The following COL14A1 variants were observed in gnomAD, a reference collection of about 807,000 sequenced individuals.
The protein encoded by COL14A1 is collagen alpha-1(XIV) chain.
COL14A1 carries 136 observed loss-of-function variants against 230.3 expected under a neutral mutation model. The observed-to-expected ratio is 0.59, with a 90% CI of 0.51 to 0.68. The LOEUF (loss-of-function observed/expected upper bound fraction) is 0.68. Among genes scored for constraint, COL14A1 ranks in the 30% least tolerant of loss-of-function variants. COL14A1 has a pLI of 0.00. For missense variants in COL14A1, 1,976 were observed against 2,215.8 expected, an observed-to-expected ratio of 0.89 and a Z score of 2.17; for synonymous variants, 792 against 784.1, an observed-to-expected ratio of 1.01 and a Z score of -0.17.
chr8:120,266,131 A>T (rs951747158), intron 24 of COL14A1, among the ~76,000 whole-genome samples: 2 of 152,046 alleles, frequency 1.3e-5, no homozygotes, highest in African/African-American at 4.8e-5. Flanking sequence ...ATGTTTACCT[A>T]ATGACATCAA....
chr8:120,343,862 G>A (rs1822404160), intron 44 of COL14A1, among the ~76,000 whole-genome samples: 1 of 152,124 alleles, frequency 6.6e-6, no homozygotes, highest in African/African-American at 2.4e-5. Context: ...TAAATGAGCA[G>A]ATCATTATTT....
chr8:120,178,320 T>G (rs1193892812), intron 5 of COL14A1, among the ~76,000 whole-genome samples: 1 of 152,206 alleles, frequency 6.6e-6, no homozygotes, highest in Non-Finnish European at 1.5e-5. Flanking sequence ...AGTGAGAACA[T>G]GCAGTATGTG....
At chr8:120,128,104 T>C (rs920856307) in intron 1 of COL14A1, among the ~76,000 whole-genome samples, 2 of 152,200 alleles carry the variant, frequency 1.3e-5, no homozygotes, top group Non-Finnish European at 2.9e-5. Context: ...TCATTCTCCT[T>C]GACTTCTTCT....
intron 17 of COL14A1, among the ~76,000 whole-genome samples, chr8:120,228,118 T>C (rs545505048): frequency 1.1e-3 from 172 of 152,110 alleles, no homozygotes; most frequent in African/African-American, 3.9e-3. Context: ...TCGCTGGAGG[T>C]GAGCCATTCC....
At chr8:120,137,969 T>G in intron 1 of COL14A1, among the ~76,000 whole-genome samples, 1 of 152,170 alleles carries the variant, frequency 6.6e-6, no homozygotes. Context: ...TTTTCAATCT[T>G]TTGAAATTTA....
At position 120,225,177 on chromosome 8, in the gene COL14A1, A is replaced by C; in HGVS notation, c.1827A>C (p.Glu609Asp). The C allele has an allele frequency of 6.2e-7, 1 of 1,613,234 alleles. No homozygotes were observed. ...YTIAIFSIYDEGQSEPLTGVF... is the reference protein window; with the variant it reads ...YTIAIFSIYDDGQSEPLTGVF... ...TTGCTATTTTCTCCATCTATGATGA[A>C]GGACAGTCAGAGCCTCTGACTGGAG... The change falls in exon 15 of 48, where the codon GAA (glutamate) becomes GAC (aspartate). Residue 609 changes from glutamate (E) to aspartate (D), a missense_variant. Physicochemically the swap from Glu to Asp is conservative, Grantham distance 45 (BLOSUM62 2). This residue lies in a region of COL14A1 where 1,791 missense variants were observed against 2,019.5 expected (regional missense o/e 0.89). Coordinates refer to ENST00000297848, the MANE Select transcript of COL14A1 (RefSeq NM_021110.4).
chr8:120,279,057 A>T lies in COL14A1; in HGVS notation c.3481+479A>T, dbSNP rs568646773. 1.8e-4 allele frequency among the ~76,000 whole-genome samples: 28 copies of T among 151,432 alleles called. No homozygotes were observed. In the East Asian group the frequency reaches 4.5e-3, roughly 24 times the overall value. On this transcript the variant is annotated intron_variant, in intron 28 of 47. Transcript: ENST00000297848. ...CAGCAAACTAACACAGGAACAGAAA[A>T]CTAAACACCACATGTTCTCACTCAT...
At chr8:120,203,945 C>A (rs1439357794) in intron 9 of COL14A1, 75 bp downstream of exon 9, 7 of 1,458,510 alleles carry the variant, frequency 4.8e-6, no homozygotes, top group African/African-American at 2.8e-5. Context: ...TGGGAAAATT[C>A]TTTTCATTTT....
chr8:120,150,781 G>T (rs990021043), intron 2 of COL14A1, among the ~76,000 whole-genome samples: 1 of 152,158 alleles, frequency 6.6e-6, no homozygotes, highest in African/African-American at 2.4e-5. Flanking sequence ...CTGGTAGGCA[G>T]TTGGTGGTCT....
At chr8:120,345,620 A>T in intron 45 of COL14A1, 57 bp downstream of exon 45, 1 of 1,365,698 alleles carries the variant, frequency 7.3e-7, no homozygotes, top group Non-Finnish European at 9.6e-7. Flanking sequence ...AGGGAAGCAG[A>T]ACATTATAGT....
intron 1 of COL14A1, among the ~76,000 whole-genome samples, chr8:120,134,870 G>A (rs1310850925): frequency 6.6e-6 from 1 of 152,188 alleles, no homozygotes; most frequent in Non-Finnish European, 1.5e-5. Flanking sequence ...AGCTATTTGG[G>A]AGGCTGAGGC....
intron 24 of COL14A1, among the ~76,000 whole-genome samples, chr8:120,263,244 A>G (rs1221025474): frequency 6.6e-6 from 1 of 152,350 alleles, no homozygotes; most frequent in Middle Eastern, 3.4e-3. Flanking sequence ...ACAAGAGACT[A>G]GAAGGCCACA....
At chr8:120,143,950 T>C (rs1055373147) in intron 1 of COL14A1, among the ~76,000 whole-genome samples, 8 of 152,164 alleles carry the variant, frequency 5.3e-5, no homozygotes, top group African/African-American at 1.9e-4. Flanking sequence ...TTCTTATTCC[T>C]CAAGAAGAAT....
intron 40 of COL14A1, among the ~76,000 whole-genome samples, chr8:120,328,120 G>A (rs116934635): frequency 0.025 from 3,787 of 152,268 alleles, 75 homozygotes; most frequent in Non-Finnish European, 0.037. Context: ...GGAATATAGC[G>A]ATGAATAAAA....
intron 45 of COL14A1, among the ~76,000 whole-genome samples, chr8:120,358,884 G>A (rs1823083396): frequency 6.6e-6 from 1 of 152,068 alleles, no homozygotes; most frequent in Non-Finnish European, 1.5e-5. Flanking sequence ...TATATTTTTA[G>A]AGGAAGGTGA....
At chr8:120,235,680 G>T (rs1490087400) in intron 19 of COL14A1, among the ~76,000 whole-genome samples, 2 of 151,878 alleles carry the variant, frequency 1.3e-5, no homozygotes, top group African/African-American at 2.4e-5. Flanking sequence ...GTTTGCTCTT[G>T]GTTCTCTAGT....
chr8:120,132,148 G>A (rs889890895), intron 1 of COL14A1, among the ~76,000 whole-genome samples: 2 of 152,166 alleles, frequency 1.3e-5, no homozygotes, highest in Admixed American at 6.5e-5. Flanking sequence ...GTGCCCAGCC[G>A]ATATTTGCTA....
chr8:120,191,486 A>AG (rs1554604292), intron 5 of COL14A1, among the ~76,000 whole-genome samples: 1 of 150,370 alleles, frequency 6.7e-6, no homozygotes, highest in Non-Finnish European at 1.5e-5. Context: ...ATTTTGGAAT[A>AG]GGTGTGGTGT....
intron 5 of COL14A1, among the ~76,000 whole-genome samples, chr8:120,185,602 T>C (rs1816626414): frequency 6.6e-6 from 1 of 152,028 alleles, no homozygotes; most frequent in African/African-American, 2.4e-5. Context: ...AATGCGAGAT[T>C]GTAGTGAGCT....
Sources: allele counts gnomAD v4.1 joint callset (sites outside exome capture counted in the v4.1 genomes callset), GRCh38; gene constraint gnomAD v4.1.1; regional missense constraint gnomAD v4.1.1; transcripts MANE v1.5; gene names NCBI Gene and HGNC (gene_info 2026-07-23, HGNC 2026-07-21).